SAMD4A: variants seen among roughly 807,000 people sequenced by gnomAD.
The protein encoded by SAMD4A is protein Smaug homolog 1.
A neutral mutation model predicts 81.3 loss-of-function variants in SAMD4A; 33 were observed. The ratio of observed to expected loss-of-function variants is 0.41; its 90% CI spans 0.31 to 0.54. The LOEUF is 0.54. Among genes scored for constraint, SAMD4A ranks in the 20% least tolerant of loss-of-function variants. The probability of loss-of-function intolerance (pLI) is 0.37; values close to 1 mark genes in which losing one functional copy is unlikely to be tolerated. For missense variants in SAMD4A, 854 were observed against 951.1 expected, an observed-to-expected ratio of 0.90 and a Z score of 1.34; for synonymous variants, 389 against 382.1, an observed-to-expected ratio of 1.02 and a Z score of -0.21.
intron 2 of SAMD4A, among the ~76,000 whole-genome samples, chr14:54,608,632 C>T (rs534416210): frequency 5.3e-5 from 8 of 152,238 alleles, no homozygotes; most frequent in Admixed American, 2.6e-4. Context: ...TTTGATATTT[C>T]GGTGAATGAA....
chr14:54,741,275 CT>C (rs762151616), intron 4 of SAMD4A, among the ~76,000 whole-genome samples: 4 of 152,218 alleles, frequency 2.6e-5, no homozygotes, highest in Non-Finnish European at 5.9e-5. Flanking sequence ...AAAAGACGTT[CT>C]CTTAATTTCC....
chr14:54,779,611 T>C (rs1259037697), intron 11 of SAMD4A, among the ~76,000 whole-genome samples: 1 of 151,984 alleles, frequency 6.6e-6, no homozygotes. Context: ...TTCCTGGTTC[T>C]ACACAATTCA....
chr14:54,615,164 C>T (rs953125338), intron 2 of SAMD4A, among the ~76,000 whole-genome samples: 1 of 152,082 alleles, frequency 6.6e-6, no homozygotes, highest in African/African-American at 2.4e-5. Context: ...GAAGACTGAC[C>T]CACCTGGAGA....
intron 2 of SAMD4A, among the ~76,000 whole-genome samples, chr14:54,646,169 C>T (rs149685984): frequency 2.6e-5 from 4 of 152,280 alleles, no homozygotes; most frequent in East Asian, 1.9e-4. Flanking sequence ...ACTTCCTAGG[C>T]GCTGCTGAAC....
intron 2 of SAMD4A, among the ~76,000 whole-genome samples, chr14:54,600,955 A>G (rs563560818): frequency 6.6e-6 from 1 of 152,198 alleles, no homozygotes; most frequent in African/African-American, 2.4e-5. Context: ...AGTGAGCTGC[A>G]TTTCAGTATC....
At chr14:54,714,411 GTGTCAT>G (rs1299402099) in intron 3 of SAMD4A, among the ~76,000 whole-genome samples, 1 of 152,130 alleles carries the variant, frequency 6.6e-6, no homozygotes, top group Non-Finnish European at 1.5e-5. Flanking sequence ...TATAACTTGT[GTGTCAT>G]TGTTTCTGTG....
chr14:54,601,925 G>A (rs2034062972), intron 2 of SAMD4A, among the ~76,000 whole-genome samples: 1 of 152,186 alleles, frequency 6.6e-6, no homozygotes, highest in Non-Finnish European at 1.5e-5. Context: ...TGAGTTGATG[G>A]TGCTAAGTCC....
At chr14:54,655,719 TA>T (rs778305767) in intron 2 of SAMD4A, among the ~76,000 whole-genome samples, 4 of 152,010 alleles carry the variant, frequency 2.6e-5, no homozygotes, top group Non-Finnish European at 5.9e-5. Flanking sequence ...GCCTGGGCAA[TA>T]AGAGCGAAAT....
intron 11 of SAMD4A, among the ~76,000 whole-genome samples, chr14:54,781,460 A>G (rs115864119): frequency 6.6e-6 from 1 of 152,220 alleles, no homozygotes; most frequent in Non-Finnish European, 1.5e-5. Flanking sequence ...AAAAGATACA[A>G]TTAATGTCTC....
Position 54,723,465 on chromosome 14 carries a change from T to C in SAMD4A, c.716-13559T>C, listed in dbSNP as rs73273329. ...TTTGACTTTCATATAGATCCCCTGA[T>C]ACTGTCCCTCTAAAATGGAGGATTC... On this transcript the variant is annotated intron_variant, in intron 3 of 12. Coordinates refer to ENST00000554335, the MANE Select transcript of SAMD4A (RefSeq NM_015589.6). Among the ~76,000 whole-genome samples the C allele has an allele frequency of 3.7e-3, 564 of 152,330 alleles. 2 individuals are homozygous for C. The highest frequency in any genetic ancestry group is 0.013 in the African/African-American group (532 of 41,580).
At chr14:54,567,046 AGAG>A (rs1209635661), upstream of SAMD4A, 1 of 153,006 alleles carries the variant, frequency 6.5e-6, no homozygotes, top group Non-Finnish European at 1.5e-5. Flanking sequence ...AGGAGGAGTA[AGAG>A]GAGGAGGAAG....
chr14:54,709,113 T>TA lies in SAMD4A; in HGVS notation c.715+6539dup, dbSNP rs200088473. Among the ~76,000 whole-genome samples, 1,218 of 152,028 alleles carry TA rather than the reference T, an allele frequency of 8.0e-3. 25 individuals carry two copies. Among genetic ancestry groups the TA allele is most frequent in the African/African-American group, 0.028 (1,145 of 41,416 alleles). ...GCAACGTGGTGAAACCACATCTCTA[T>TA]AAAAAATACAAAAATTAGCCGGGTG... On this transcript the variant is annotated intron_variant, in intron 3 of 12. Coordinates refer to ENST00000554335, the MANE Select transcript of SAMD4A (RefSeq NM_015589.6).
chr14:54,696,375 A>G (rs1172418848), intron 2 of SAMD4A, among the ~76,000 whole-genome samples: 1 of 152,240 alleles, frequency 6.6e-6, no homozygotes. Context: ...TTGACTTTGT[A>G]ACATTCTTCC....
intron 2 of SAMD4A, among the ~76,000 whole-genome samples, chr14:54,576,926 G>A (rs1408913681): frequency 6.6e-6 from 1 of 152,212 alleles, no homozygotes; most frequent in East Asian, 1.9e-4. Context: ...ATGTGACTTA[G>A]CCTGGGGTCC....
intron 2 of SAMD4A, among the ~76,000 whole-genome samples, chr14:54,648,225 C>T (rs909539457): frequency 3.9e-5 from 6 of 152,134 alleles, no homozygotes; most frequent in Admixed American, 6.5e-5. Flanking sequence ...CTAAGGGCAG[C>T]TGGAAGAGGT....
intron 2 of SAMD4A, among the ~76,000 whole-genome samples, chr14:54,630,908 ATGTGTGTGTGTGTGTGTGTG>A (rs5808786): frequency 5.0e-4 from 72 of 144,378 alleles, no homozygotes; most frequent in East Asian, 3.6e-3. Context: ...TGTATTTTAT[ATGTGTGTGTGTGTGTGTGTG>A]TGTGTGTGTG....
At chr14:54,572,949 C>T (rs955161203) in intron 2 of SAMD4A, among the ~76,000 whole-genome samples, 2 of 152,102 alleles carry the variant, frequency 1.3e-5, no homozygotes, top group Admixed American at 6.5e-5. Context: ...TGGGACCCAC[C>T]TTCTATGTTT....
chr14:54,715,978 A>G (rs117206540), intron 3 of SAMD4A, among the ~76,000 whole-genome samples: 2,045 of 152,316 alleles, frequency 0.013, 20 homozygotes, highest in Non-Finnish European at 0.022. Flanking sequence ...AGGATCACCA[A>G]GTTCTGTTGC....
chr14:54,745,928 G>A (rs1046325960), intron 4 of SAMD4A, among the ~76,000 whole-genome samples: 1 of 152,226 alleles, frequency 6.6e-6, no homozygotes, highest in African/African-American at 2.4e-5. Flanking sequence ...GAATGTAAAA[G>A]GTAGATGGGA....
Sources: gnomAD v4.1 joint callset for allele counts (sites outside exome capture counted in the v4.1 genomes callset) on GRCh38, gnomAD v4.1.1 for gene constraint, MANE v1.5 for transcripts, NCBI Gene and HGNC (gene_info 2026-07-23, HGNC 2026-07-21) for gene names.